The following SEMA5B variants were observed in gnomAD, a reference collection of about 807,000 sequenced individuals.
The protein encoded by SEMA5B is semaphorin 5B.
Under a neutral mutation model 135.0 loss-of-function variants are expected in SEMA5B, and 66 were observed. That is an observed-to-expected ratio of 0.49 (90% CI 0.40 to 0.60). The LOEUF (loss-of-function observed/expected upper bound fraction) is 0.60, where lower values mean the gene tolerates loss of function less well. Ranked by LOEUF, SEMA5B falls within the 20% of genes least tolerant of loss-of-function variation. SEMA5B has a pLI of 0.00. For missense variants in SEMA5B, 1,501 were observed against 1,566.3 expected (o/e 0.96, Z 0.70); for synonymous variants, 690 against 639.5 (o/e 1.08, Z -1.19).
chr3:122,964,172 TC>T (rs201978021), intron 1 of SEMA5B, among the ~76,000 whole-genome samples: 3,149 of 152,330 alleles, frequency 0.021, 56 homozygotes, highest in Middle Eastern at 0.034. Flanking sequence ...TCCTACAATT[TC>T]CCCAAATATC....
intron 1 of SEMA5B, among the ~76,000 whole-genome samples, chr3:123,013,734 C>T (rs562994339): frequency 2.6e-5 from 4 of 152,338 alleles, no homozygotes; most frequent in Admixed American, 6.5e-5. Context: ...CCCATCCAGC[C>T]TCTGGAAGCA....
At chr3:123,009,056 A>C (rs1458147234) in intron 1 of SEMA5B, among the ~76,000 whole-genome samples, 1 of 152,194 alleles carries the variant, frequency 6.6e-6, no homozygotes, top group Non-Finnish European at 1.5e-5. Context: ...GTTTTCAACG[A>C]GGCTGCATAA....
intron 1 of SEMA5B, among the ~76,000 whole-genome samples, chr3:122,973,589 CT>C (rs1471178718): frequency 1.3e-5 from 2 of 152,182 alleles, no homozygotes; most frequent in Non-Finnish European, 2.9e-5. Flanking sequence ...AGTTTTGTTC[CT>C]TTTGGTTTAT....
At chr3:122,968,440 G>A (rs943882211) in intron 1 of SEMA5B, among the ~76,000 whole-genome samples, 10 of 152,172 alleles carry the variant, frequency 6.6e-5, no homozygotes, top group South Asian at 4.1e-4. Context: ...AGGGACGGTC[G>A]CCTTGGGGGT....
rs527814579 is a variant in SEMA5B at position 122,925,395 on chromosome 3, G to A, written c.1136+997C>T. 7.2e-5 allele frequency among the ~76,000 whole-genome samples: 11 copies of A among 152,190 alleles called. No individual in the cohort carries two copies. The East Asian group carries it at 1.5e-3, about 21-fold the overall frequency. On this transcript the variant is annotated intron_variant, in intron 9 of 22. Transcript: ENST00000357599. ...AAAAAAAAAATATTGCCAGCTGGGCGTGGTGGCTCACACCTGTAATCCCAG... is the reference window on the plus strand; with the variant it reads ...AAAAAAAAAATATTGCCAGCTGGGCATGGTGGCTCACACCTGTAATCCCAG...
intron 12 of SEMA5B, among the ~76,000 whole-genome samples, chr3:122,919,676 C>CTT (rs1938253415): frequency 6.6e-6 from 1 of 152,186 alleles, no homozygotes; most frequent in African/African-American, 2.4e-5. Flanking sequence ...TCCTGGGGTA[C>CTT]ACAGCTTGGT....
intron 1 of SEMA5B, among the ~76,000 whole-genome samples, chr3:122,997,439 C>G (rs1157188949): frequency 1.3e-5 from 2 of 152,004 alleles, no homozygotes; most frequent in African/African-American, 4.8e-5. Flanking sequence ...GAGGTCAGAG[C>G]TGATGGGGAC....
At chr3:122,913,176 A>AG in intron 17 of SEMA5B, 23 bp downstream of exon 17, 3 of 1,532,198 alleles carry the variant, frequency 2.0e-6, no homozygotes, top group African/African-American at 1.4e-5. Context: ...GAGAGGAAGG[A>AG]GGGGGCGCCG....
chr3:122,950,960 G>A (rs1344911334), intron 2 of SEMA5B, among the ~76,000 whole-genome samples: 3 of 152,138 alleles, frequency 2.0e-5, no homozygotes, highest in African/African-American at 7.2e-5. Context: ...GAGAGACAGG[G>A]TCTTGCTCTG....
intron 1 of SEMA5B, among the ~76,000 whole-genome samples, chr3:123,000,257 G>A (rs1942136598): frequency 6.6e-6 from 1 of 152,148 alleles, no homozygotes; most frequent in South Asian, 2.1e-4. Context: ...CCGAAGGATA[G>A]AATAGGGCAA....
rs1436707528 is a variant in SEMA5B, at chr3:122,911,031, G to A, written c.3106C>T (p.His1036Tyr). ...ATDCAGFNLI[H>Y]LVATGISCFL... ...CAGGAGATGCCCGTGGCCACCAAGTGGATGAGATTGAACCCTAGGGGAAGA... is the reference window on the plus strand; with the variant it reads ...CAGGAGATGCCCGTGGCCACCAAGTAGATGAGATTGAACCCTAGGGGAAGA... Residue 1036 changes from histidine (H) to tyrosine (Y), a missense_variant, in exon 22 of 23, where the codon CAC (histidine) becomes TAC (tyrosine). His to Tyr is a moderately conservative substitution (Grantham distance 83, BLOSUM62 2). Transcript: ENST00000357599. 3 of 1,613,000 alleles carry A rather than the reference G, an allele frequency of 1.9e-6. No homozygotes were observed. Among genetic ancestry groups the A allele is most frequent in the Non-Finnish European group, 2.5e-6 (3 of 1,179,450 alleles).
At chr3:122,949,007 A>G (rs1939929559) in intron 2 of SEMA5B, among the ~76,000 whole-genome samples, 1 of 151,922 alleles carries the variant, frequency 6.6e-6, no homozygotes, top group Non-Finnish European at 1.5e-5. Context: ...AGGGATTTTA[A>G]TAAATGGAGC....
At chr3:122,995,178 C>G (rs995727204) in intron 1 of SEMA5B, among the ~76,000 whole-genome samples, 1 of 152,086 alleles carries the variant, frequency 6.6e-6, no homozygotes, top group Admixed American at 6.5e-5. Flanking sequence ...AGCAGGACAT[C>G]GGGTGGTGGG....
At chr3:122,956,059 G>T (rs1479694636) in intron 2 of SEMA5B, among the ~76,000 whole-genome samples, 1 of 152,232 alleles carries the variant, frequency 6.6e-6, no homozygotes, top group Non-Finnish European at 1.5e-5. Flanking sequence ...GATGGGGAAG[G>T]GGGCACAGAT....
At chr3:122,991,800 G>A (rs981718335) in intron 1 of SEMA5B, among the ~76,000 whole-genome samples, 19 of 152,260 alleles carry the variant, frequency 1.2e-4, no homozygotes, top group Middle Eastern at 6.8e-3. Flanking sequence ...GTTCCCAGTG[G>A]GACCTCAGAG....
At chr3:122,961,368 A>G in intron 1 of SEMA5B, 67 bp from the exon 2 acceptor site, 3 of 1,454,060 alleles carry the variant, frequency 2.1e-6, no homozygotes, top group Non-Finnish European at 2.8e-6. Context: ...ATGAGGTCAG[A>G]TATAGGCCAG....
chr3:122,972,385 C>T (rs1254765299), intron 1 of SEMA5B, among the ~76,000 whole-genome samples: 1 of 152,166 alleles, frequency 6.6e-6, no homozygotes, highest in Non-Finnish European at 1.5e-5. Flanking sequence ...TAAAGCATGC[C>T]AGCCCTTTTC....
chr3:122,931,370 C>A (rs553766660), intron 5 of SEMA5B, among the ~76,000 whole-genome samples: 3 of 152,256 alleles, frequency 2.0e-5, no homozygotes, highest in African/African-American at 2.4e-5. Flanking sequence ...ATTATAATGA[C>A]AGTTTTAATT....
At chr3:122,940,640 C>G (rs1032523360) in intron 4 of SEMA5B, among the ~76,000 whole-genome samples, 2 of 152,220 alleles carry the variant, frequency 1.3e-5, no homozygotes, top group South Asian at 4.1e-4. Flanking sequence ...AAAGAGGGCC[C>G]CTGCTGAAGG....
Sources: gnomAD v4.1 joint callset for allele counts (sites outside exome capture counted in the v4.1 genomes callset) on GRCh38, gnomAD v4.1.1 for gene constraint, MANE v1.5 for transcripts, NCBI Gene and HGNC (gene_info 2026-07-23, HGNC 2026-07-21) for gene names.